Variants in PRKN observed in about 807,000 individuals in gnomAD.
PRKN encodes E3 ubiquitin-protein ligase parkin.
Under a neutral mutation model 59.5 loss-of-function variants are expected in PRKN, and 56 were observed. The observed-to-expected ratio is 0.94, with a 90% confidence interval of 0.76 to 1.18. The LOEUF is 1.18. PRKN is among the 50% of genes most tolerant of loss of function. The probability of loss-of-function intolerance (pLI) is 0.00; values close to 1 mark genes in which losing one functional copy is unlikely to be tolerated. For synonymous variants in PRKN, 250 were observed against 222.1 expected, an observed-to-expected ratio of 1.13 and a Z score of -1.12; for missense variants, 657 against 596.4, an observed-to-expected ratio of 1.10 and a Z score of -1.06.
chr6:162,065,873 G>A (rs181155891), intron 4 of PRKN, among the ~76,000 whole-genome samples: 6 of 152,178 alleles, frequency 3.9e-5, no homozygotes, highest in South Asian at 2.1e-4. Flanking sequence ...TTCCAGCTTC[G>A]TCCATGTCTC....
At chr6:162,063,306 C>T (rs1778181559) in intron 4 of PRKN, among the ~76,000 whole-genome samples, 1 of 152,014 alleles carries the variant, frequency 6.6e-6, no homozygotes, top group Admixed American at 6.5e-5. Flanking sequence ...TAAGCAAAAA[C>T]CTTGAACAGG....
intron 8 of PRKN, among the ~76,000 whole-genome samples, chr6:161,568,368 C>A (rs900308903): frequency 1.1e-4 from 16 of 152,132 alleles, no homozygotes; most frequent in Admixed American, 1.0e-3. Flanking sequence ...CAGAGGCAGG[C>A]GGATCATGAC....
intron 1 of PRKN, among the ~76,000 whole-genome samples, chr6:162,701,735 T>C (rs1778159045): frequency 1.3e-5 from 2 of 151,914 alleles, no homozygotes; most frequent in South Asian, 4.2e-4. Context: ...ACATTCAACA[T>C]GTCAATTATG....
intron 3 of PRKN, among the ~76,000 whole-genome samples, chr6:162,223,280 C>T (rs1436730320): frequency 6.6e-6 from 1 of 151,878 alleles, no homozygotes; most frequent in Non-Finnish European, 1.5e-5. Flanking sequence ...TGGGTTGGTT[C>T]CAAGTCTTTG....
chr6:161,948,173 G>C (rs1014132630), intron 6 of PRKN, among the ~76,000 whole-genome samples: 3 of 152,064 alleles, frequency 2.0e-5, no homozygotes, highest in Non-Finnish European at 2.9e-5. Flanking sequence ...TTTTAGTAGA[G>C]AGGGGATTTC....
At chr6:162,461,240 G>A (rs1187187702) in intron 1 of PRKN, among the ~76,000 whole-genome samples, 2 of 151,668 alleles carry the variant, frequency 1.3e-5, no homozygotes, top group Admixed American at 6.6e-5. Flanking sequence ...GGTGGCTCAC[G>A]CCTGTAATCC....
At chr6:161,443,533 C>G (rs142186294) in intron 9 of PRKN, among the ~76,000 whole-genome samples, 360 of 152,162 alleles carry the variant, frequency 2.4e-3, no homozygotes, top group African/African-American at 8.1e-3. Context: ...GTCGCACAGA[C>G]TTTGTAACAT....
At chr6:162,232,600 T>C (rs1022570329) in intron 3 of PRKN, among the ~76,000 whole-genome samples, 1 of 152,200 alleles carries the variant, frequency 6.6e-6, no homozygotes, top group Non-Finnish European at 1.5e-5. Flanking sequence ...TGCCTCAAGG[T>C]TGAGATTAAG....
chr6:161,423,399 C>A lies in PRKN; in HGVS notation c.1084-36522G>T, dbSNP rs763881766. 6.6e-5 allele frequency among the ~76,000 whole-genome samples: 10 copies of A among 152,148 alleles called. No individual in the cohort carries two copies. Among genetic ancestry groups the A allele is most frequent in the Non-Finnish European group, 1.5e-4 (10 of 68,028 alleles). ...TAATTCGGAGGTGAGTACTGCGATG[C>A]AGTTACACGTCGTAACCACCTGAAT... On this transcript the variant is annotated intron_variant, in intron 9 of 11. Transcript: ENST00000366898. This position sits in a 1 kb window ranked among gnomAD's most constrained non-coding sequence, Gnocchi z 5.9.
At chr6:161,590,550 T>A (rs753418481) in intron 7 of PRKN, among the ~76,000 whole-genome samples, 1 of 152,032 alleles carries the variant, frequency 6.6e-6, no homozygotes, top group African/African-American at 2.4e-5. Flanking sequence ...CTGGCCAACA[T>A]AGTGAAACCC....
At chr6:161,759,186 A>C (rs1789084079) in intron 7 of PRKN, among the ~76,000 whole-genome samples, 1 of 147,986 alleles carries the variant, frequency 6.8e-6, no homozygotes. Flanking sequence ...AAAAAAAAAA[A>C]CAAAATTAAA....
intron 2 of PRKN, chr6:162,270,229 T>C (rs936869639): frequency 4.6e-5 from 7 of 152,146 alleles, no homozygotes; most frequent in African/African-American, 1.4e-4. Flanking sequence ...CTGGATGGGA[T>C]TGGAGACTAT....
At chr6:161,686,758 C>T (rs1785572276) in intron 7 of PRKN, among the ~76,000 whole-genome samples, 1 of 152,162 alleles carries the variant, frequency 6.6e-6, no homozygotes, top group Non-Finnish European at 1.5e-5. Flanking sequence ...CCTTTGACTT[C>T]AAACACACTT....
chr6:162,322,352 A>G (rs2128122065), intron 2 of PRKN, among the ~76,000 whole-genome samples: 1 of 152,250 alleles, frequency 6.6e-6, no homozygotes, highest in Non-Finnish European at 1.5e-5. Context: ...AAGACGTAAC[A>G]TTATTAAAAT....
intron 4 of PRKN, among the ~76,000 whole-genome samples, chr6:162,129,626 G>A (rs1326240871): frequency 6.6e-6 from 1 of 151,562 alleles, no homozygotes; most frequent in Non-Finnish European, 1.5e-5. Context: ...AGAGGGTGGA[G>A]CATTCTAATT....
chr6:161,710,740 C>T (rs987306588), intron 7 of PRKN, among the ~76,000 whole-genome samples: 1 of 152,164 alleles, frequency 6.6e-6, no homozygotes, highest in Non-Finnish European at 1.5e-5. Flanking sequence ...AAGACATTTT[C>T]TTGCTTCTTG....
At chr6:162,170,310 C>T (rs528005308) in intron 4 of PRKN, among the ~76,000 whole-genome samples, 8 of 152,280 alleles carry the variant, frequency 5.3e-5, no homozygotes, top group African/African-American at 1.9e-4. Flanking sequence ...AATGGGATTG[C>T]TCCGGAAAAG....
chr6:161,700,800 T>C (rs1377694613), intron 7 of PRKN, among the ~76,000 whole-genome samples: 1 of 152,194 alleles, frequency 6.6e-6, no homozygotes, highest in Non-Finnish European at 1.5e-5. Flanking sequence ...TACTGTGTCA[T>C]TTTCTCAAAC....
intron 1 of PRKN, among the ~76,000 whole-genome samples, chr6:162,648,476 G>A (rs1233530576): frequency 1.3e-5 from 2 of 151,496 alleles, no homozygotes; most frequent in African/African-American, 4.9e-5. Context: ...CCGCCCGCCG[G>A]GTTCAAGTGA....
Sources: gnomAD v4.1 joint callset for allele counts (sites outside exome capture counted in the v4.1 genomes callset) on GRCh38, gnomAD v4.1.1 for gene constraint, Gnocchi (gnomAD v3.1) non-coding constraint, MANE v1.5 for transcripts, NCBI Gene and HGNC (gene_info 2026-07-23, HGNC 2026-07-21) for gene names.